Variants in FARP1 observed in about 807,000 individuals in gnomAD.
FARP1 encodes the protein FERM, ARHGEF and pleckstrin domain-containing protein 1.
FARP1 carries 52 observed loss-of-function variants against 128.8 expected under a neutral mutation model. The observed-to-expected ratio is 0.40, with a 90% CI of 0.32 to 0.51. FARP1 has a LOEUF of 0.51. Ranked by LOEUF, FARP1 falls within the 20% of genes least tolerant of loss-of-function variation. FARP1 has a pLI of 0.45. For synonymous variants in FARP1, 580 were observed against 551.8 expected (o/e 1.05, Z -0.72); for missense variants, 1,333 against 1,367.9 (o/e 0.97, Z 0.40).
intron 2 of FARP1, among the ~76,000 whole-genome samples, chr13:98,274,273 G>T (rs1248405574): frequency 6.6e-6 from 1 of 152,130 alleles, no homozygotes; most frequent in Non-Finnish European, 1.5e-5. Context: ...TTCCCTGGAG[G>T]CTTTGTTGGC....
chr13:98,361,004 A>G (rs1888848161), intron 3 of FARP1, among the ~76,000 whole-genome samples: 1 of 152,158 alleles, frequency 6.6e-6, no homozygotes, highest in Non-Finnish European at 1.5e-5. Context: ...ATGCGGGAAA[A>G]AGTGACTAGC....
Position 98,435,653 on chromosome 13 carries a change from C to T in FARP1, c.2221C>T (p.His741Tyr), listed in dbSNP as rs1449462113. ...MIKMENFQKLHELKKDLIGID... is the reference protein window; with the variant it reads ...MIKMENFQKLYELKKDLIGID... ...CAAGATGGAGAATTTCCAGAAGCTG[C>T]ACGAACTCAAGAAAGATTTGATTGG... The change falls in exon 19 of 27, where the codon CAC becomes TAC. Residue 741 changes from histidine (H) to tyrosine (Y), a missense_variant. Around this residue, in one of 2 missense-constraint regions of FARP1, gnomAD observed 1,009 missense variants for 969.8 expected, o/e 1.04. Transcript: ENST00000319562. 1.9e-6 allele frequency: 3 copies of T among 1,614,070 alleles called. No individual in the cohort carries two copies. The highest frequency in any genetic ancestry group is 2.5e-6 in the Non-Finnish European group (3 of 1,179,980).
At chr13:98,186,444 C>T (rs1161607274) in intron 1 of FARP1, among the ~76,000 whole-genome samples, 1 of 152,138 alleles carries the variant, frequency 6.6e-6, no homozygotes, top group Non-Finnish European at 1.5e-5. Context: ...TCTCTCTCCC[C>T]TGCCCCTGGT....
chr13:98,298,634 T>C (rs1885799737), intron 2 of FARP1, among the ~76,000 whole-genome samples: 1 of 152,218 alleles, frequency 6.6e-6, no homozygotes, highest in Non-Finnish European at 1.5e-5. Flanking sequence ...GTGTTTATGC[T>C]GTTGGGCTTT....
In FARP1 at chr13:98,450,331, A is replaced by AAAT. The variant is rs1335889464; in HGVS notation, c.*2016_*2018dup. ...TACACAAGCTGTTTTTAAAGGAGGG[A>AAAT]AATATAAAAAATGTTTATAAACTGA... On this transcript the variant is annotated 3_prime_UTR_variant, in exon 27 of 27. Coordinates refer to ENST00000319562, the MANE Select transcript of FARP1 (RefSeq NM_005766.4). 8 of 152,208 alleles carry AAAT rather than the reference A, an allele frequency of 5.3e-5. 1 individual carries two copies. The South Asian group carries it at 6.2e-4, about 12-fold the overall frequency. The allele number at this position is 152,208 out of a possible 1,614,324, so 9.4% of individuals were successfully genotyped here. A position where few individuals can be genotyped will look rare whatever the true frequency, so the allele number is the denominator to read the frequency against.
chr13:98,312,134 G>GGTTTTTTTT (rs1434351814), intron 2 of FARP1, among the ~76,000 whole-genome samples: 1 of 30,056 alleles, frequency 3.3e-5, no homozygotes, highest in Admixed American at 3.3e-4. Context: ...GGTGGTAACT[G>GGTTTTTTTT]CTTTTTTTTT....
At chr13:98,351,249 T>G (rs1459464938) in intron 3 of FARP1, among the ~76,000 whole-genome samples, 1 of 152,118 alleles carries the variant, frequency 6.6e-6, no homozygotes, top group African/African-American at 2.4e-5. Flanking sequence ...CATACCTGAA[T>G]AAGAAATGTG....
At chr13:98,255,492 C>T (rs1883542564) in intron 2 of FARP1, among the ~76,000 whole-genome samples, 2 of 151,058 alleles carry the variant, frequency 1.3e-5, no homozygotes, top group African/African-American at 4.9e-5. Flanking sequence ...CAGAGTGAGA[C>T]TTCATCTCAA....
rs966551386 is a variant in FARP1 at position 98,375,168 on chromosome 13, T to C, written c.399-2653T>C. Among the ~76,000 whole-genome samples the C allele has an allele frequency of 9.1e-4, 138 of 152,204 alleles. 2 individuals are homozygous for C. Among genetic ancestry groups the C allele is most frequent in the South Asian group, 6.2e-4 (3 of 4,830 alleles). On this transcript the variant is annotated intron_variant, in intron 5 of 26. Coordinates refer to ENST00000319562, the MANE Select transcript of FARP1 (RefSeq NM_005766.4). Reference sequence around the variant, plus strand: ...TGTGTGCTTCATATTTCATTAATGATTAGAGATTGTTCATTGGATTCAGGT... The same window carrying C: ...TGTGTGCTTCATATTTCATTAATGACTAGAGATTGTTCATTGGATTCAGGT...
At chr13:98,285,448 G>A (rs941019343) in intron 2 of FARP1, among the ~76,000 whole-genome samples, 2 of 152,040 alleles carry the variant, frequency 1.3e-5, no homozygotes, top group African/African-American at 4.8e-5. Flanking sequence ...GGGAAGCTGC[G>A]TGGTTGCTTA....
intron 16 of FARP1, among the ~76,000 whole-genome samples, chr13:98,417,459 A>AC (rs1566305151): frequency 1.0e-5 from 1 of 99,500 alleles, no homozygotes; most frequent in Non-Finnish European, 2.2e-5. Flanking sequence ...AGGTTTGAAA[A>AC]AAAAAAAAAA....
chr13:98,317,702 G>A (rs1391503713), intron 2 of FARP1, among the ~76,000 whole-genome samples: 3 of 152,164 alleles, frequency 2.0e-5, no homozygotes, highest in Admixed American at 6.5e-5. Context: ...CTGACTGGAT[G>A]GCTTAAACAA....
At position 98,379,092 on chromosome 13, in the gene FARP1, TAA is replaced by T. The variant is rs1491561598; in HGVS notation, c.496+1175_496+1176del. On this transcript the variant is annotated intron_variant, in intron 6 of 26. Coordinates refer to ENST00000319562, the MANE Select transcript of FARP1 (RefSeq NM_005766.4). ...ATATATGTAATATGTAATCTATATATAATATATATATAATATATAATCTATAT... is the reference window on the plus strand; with the variant it reads ...ATATATGTAATATGTAATCTATATATTATATATATAATATATAATCTATAT... 2.1e-5 allele frequency among the ~76,000 whole-genome samples: 2 copies of T among 93,276 alleles called. 1 individual carries two copies. 61.2% of individuals were successfully genotyped at this position (93,276 alleles called of 152,430 possible).
chr13:98,307,162 C>T (rs548310144), intron 2 of FARP1, among the ~76,000 whole-genome samples: 114 of 152,250 alleles, frequency 7.5e-4, no homozygotes, highest in Non-Finnish European at 1.5e-3. Context: ...TTTATGATTC[C>T]GCAGATTAGA....
chr13:98,392,125 A>G (rs1890327137), intron 11 of FARP1, among the ~76,000 whole-genome samples: 1 of 151,858 alleles, frequency 6.6e-6, no homozygotes, highest in Non-Finnish European at 1.5e-5. Context: ...TCCCCTCCCC[A>G]GAGGCAGCTG....
At chr13:98,381,288 G>C (rs1007537003) in intron 6 of FARP1, among the ~76,000 whole-genome samples, 3 of 152,128 alleles carry the variant, frequency 2.0e-5, no homozygotes, top group African/African-American at 7.2e-5. Context: ...GGTGATTATT[G>C]GTAAGGTATA....
intron 18 of FARP1, chr13:98,433,546 CAGTG>C (rs1279226295): frequency 1.3e-5 from 2 of 152,086 alleles, no homozygotes; most frequent in Non-Finnish European, 2.9e-5. Flanking sequence ...CTGGGCAACA[CAGTG>C]AGACCTTGTC....
intron 2 of FARP1, among the ~76,000 whole-genome samples, chr13:98,273,357 T>TC (rs1314216838): frequency 2.0e-5 from 3 of 152,168 alleles, no homozygotes; most frequent in African/African-American, 7.2e-5. Context: ...TGTCTTGCTG[T>TC]CACAAAGAGT....
intron 2 of FARP1, among the ~76,000 whole-genome samples, chr13:98,317,855 G>A (rs189318344): frequency 6.6e-6 from 1 of 152,184 alleles, no homozygotes; most frequent in African/African-American, 2.4e-5. Context: ...GAGAGAGCAA[G>A]CAAACTCTGG....
Sources: gnomAD v4.1 joint callset for allele counts (sites outside exome capture counted in the v4.1 genomes callset) on GRCh38, gnomAD v4.1.1 for gene constraint, gnomAD v4.1.1 regional missense constraint, MANE v1.5 for transcripts, NCBI Gene and HGNC (gene_info 2026-07-23, HGNC 2026-07-21) for gene names.